The following JAML variants were observed in gnomAD, a reference collection of about 807,000 sequenced individuals.
JAML encodes junctional adhesion molecule-like.
In JAML, 25 loss-of-function variants were observed where a neutral mutation model predicts 39.3. That is an observed-to-expected ratio of 0.64 (90% confidence interval 0.46 to 0.89). The LOEUF is 0.89. JAML is among the 40% of genes least tolerant of loss of function. The pLI, the probability that JAML is intolerant of heterozygous loss-of-function variation, is 0.00. For missense variants in JAML, 440 were observed against 486.9 expected (o/e 0.90, Z 0.91); for synonymous variants, 162 against 179.2 (o/e 0.90, Z 0.77).
chr11:118,221,896 C>T (rs1949213567), intron 1 of JAML, among the ~76,000 whole-genome samples: 1 of 152,184 alleles, frequency 6.6e-6, no homozygotes, highest in Non-Finnish European at 1.5e-5. Flanking sequence ...TTTGGAGACA[C>T]CTTGTGTGTC....
At chr11:118,197,121 G>T in intron 8 of JAML, 1 of 308,454 alleles carries the variant, frequency 3.2e-6, no homozygotes, top group Non-Finnish European at 6.2e-6. Context: ...CTTGTATTCT[G>T]GGGTTATTTC....
At chr11:118,198,674 T>TAAAAAA (rs61119825) in intron 7 of JAML, among the ~76,000 whole-genome samples, 2,123 of 127,518 alleles carry the variant, frequency 0.017, 47 homozygotes, top group African/African-American at 0.056. Flanking sequence ...AAGTCAGAAC[T>TAAAAAA]AAAAAAAAAA....
intron 4 of JAML, among the ~76,000 whole-genome samples, chr11:118,207,325 G>T (rs1948938380): frequency 6.6e-6 from 1 of 152,140 alleles, no homozygotes; most frequent in African/African-American, 2.4e-5. Flanking sequence ...AGGTTTGTAT[G>T]ACTACTCTCC....
At chr11:118,200,697 A>C (rs952689053) in intron 6 of JAML, 85 bp from the exon 7 acceptor site, 40 of 1,523,712 alleles carry the variant, frequency 2.6e-5, no homozygotes, top group Admixed American at 2.5e-4. Context: ...AAGTAGCACC[A>C]GCCAGGCCAC....
intron 4 of JAML, chr11:118,209,052 G>T: frequency 4.1e-6 from 1 of 246,430 alleles, no homozygotes; most frequent in Non-Finnish European, 8.4e-6. Flanking sequence ...TCCAGCTTTT[G>T]GGCTAACTGG....
chr11:118,215,127 G>A lies in JAML; in HGVS notation c.-20-241C>T, dbSNP rs77884560. Among the ~76,000 whole-genome samples, 373 of 152,314 alleles carry A rather than the reference G, an allele frequency of 2.4e-3. 1 individual carries two copies. Among genetic ancestry groups the A allele is most frequent in the Non-Finnish European group, 3.8e-3 (260 of 68,014 alleles). ...AATACCAGATGTCAATAAGTGCTATGATGAAACAAAACAGAGTAGTGTTTG... is the reference window on the plus strand; with the variant it reads ...AATACCAGATGTCAATAAGTGCTATAATGAAACAAAACAGAGTAGTGTTTG... On this transcript the variant is annotated intron_variant, in intron 1 of 9. Coordinates refer to ENST00000356289, the MANE Select transcript of JAML (RefSeq NM_001098526.2).
At chr11:118,210,258 G>A (rs1169223664) in intron 4 of JAML, among the ~76,000 whole-genome samples, 1 of 152,170 alleles carries the variant, frequency 6.6e-6, no homozygotes, top group Non-Finnish European at 1.5e-5. Context: ...CAGGGCTTTT[G>A]TGAGGGGGAA....
intron 3 of JAML, among the ~76,000 whole-genome samples, chr11:118,212,148 G>C (rs1411180462): frequency 6.6e-6 from 1 of 152,174 alleles, no homozygotes; most frequent in East Asian, 1.9e-4. Context: ...CTACTTGAAA[G>C]GTAAGCATTA....
At chr11:118,197,719 T>A (rs1197592156) in intron 8 of JAML, 3 of 364,856 alleles carry the variant, frequency 8.2e-6, no homozygotes, top group African/African-American at 2.1e-5. Context: ...ATTTTGCTGA[T>A]GAGACTCAGG....
intron 1 of JAML, among the ~76,000 whole-genome samples, chr11:118,216,503 G>C (rs1337171399): frequency 6.6e-6 from 1 of 152,150 alleles, no homozygotes; most frequent in Non-Finnish European, 1.5e-5. Context: ...ACACAGAGAA[G>C]TCAGCTGATC....
At chr11:118,214,967 C>G in intron 1 of JAML, 81 bp from the exon 2 acceptor site, 2 of 1,270,718 alleles carry the variant, frequency 1.6e-6, no homozygotes, top group Non-Finnish European at 2.3e-6. Context: ...AAGGACTATA[C>G]GGAGCAGCCT....
chr11:118,194,332 G>T lies in JAML; in HGVS notation c.1178C>A (p.Ala393Asp), dbSNP rs767262200. The T allele has an allele frequency of 9.9e-6, 16 of 1,613,624 alleles. No individual in the cohort carries two copies. Among genetic ancestry groups the T allele is most frequent in the Non-Finnish European group, 1.1e-5 (13 of 1,179,604 alleles). ...SGGGMPKTQQAF is the reference protein window; with the variant it reads ...SGGGMPKTQQDF ...AGGGACTCTCCATTCTTCTCAAAAG[G>T]CTTGCTGTGTTTTTGGCATTCCCCC... The change falls in exon 10 of 10, where the codon GCC becomes GAC. Residue 393 changes from alanine (A) to aspartate (D), a missense_variant. Physicochemically the swap from Ala to Asp is moderately radical, Grantham distance 126. Transcript: ENST00000356289.
intron 3 of JAML, 119 bp from the exon 4 acceptor site, chr11:118,210,831 C>T: frequency 1.3e-6 from 1 of 784,650 alleles, no homozygotes; most frequent in Non-Finnish European, 2.1e-6. Context: ...GATCCAAAAG[C>T]ATTTGGTACC....
At position 118,203,547 on chromosome 11, in the gene JAML, G is replaced by A. The variant is rs1373180122; in HGVS notation, c.653C>T (p.Ser218Phe). Residue 218 changes from serine (S) to phenylalanine (F), a missense_variant, in exon 6 of 10, where the codon TCC (serine) becomes TTC (phenylalanine). Transcript: ENST00000356289. ...CTCCCTCACTCCTTGAAGCATGATG[G>A]AACCGTCATTGCGGAAAATGTCCCC... ...LVGDIFRNDG[S>F]IMLQGVRESD... The A allele has an allele frequency of 6.2e-7, 1 of 1,614,036 alleles. No individual in the cohort carries two copies. Among genetic ancestry groups the A allele is most frequent in the Non-Finnish European group, 8.5e-7 (1 of 1,180,034 alleles).
intron 5 of JAML, chr11:118,205,663 G>A: frequency 1.9e-6 from 1 of 538,730 alleles, no homozygotes; most frequent in Non-Finnish European, 3.3e-6. Flanking sequence ...TCTCATATCG[G>A]CATCCAAAAA....
intron 1 of JAML, among the ~76,000 whole-genome samples, chr11:118,218,968 T>G (rs920104551): frequency 6.6e-6 from 1 of 152,232 alleles, no homozygotes; most frequent in African/African-American, 2.4e-5. Flanking sequence ...TTATCTCATC[T>G]GTTGGCCAAA....
intron 6 of JAML, 29 bp from the exon 7 acceptor site, chr11:118,200,641 G>T (rs1322311364): frequency 3.7e-6 from 6 of 1,613,540 alleles, no homozygotes; most frequent in East Asian, 2.2e-5. Flanking sequence ...CAAGGAGAGG[G>T]TCTCAATACT....
intron 5 of JAML, 40 bp from the exon 6 acceptor site, chr11:118,203,705 G>A (rs1446464539): frequency 6.5e-7 from 1 of 1,537,922 alleles, no homozygotes; most frequent in East Asian, 2.2e-5. Flanking sequence ...TGTGAGGACT[G>A]GAGTGGAGCG....
At chr11:118,220,804 T>C (rs1178129077) in intron 1 of JAML, among the ~76,000 whole-genome samples, 1 of 152,136 alleles carries the variant, frequency 6.6e-6, no homozygotes, top group Non-Finnish European at 1.5e-5. Context: ...ATGGGATACA[T>C]GGGAAAAAGC....
Sources: allele counts gnomAD v4.1 joint callset (sites outside exome capture counted in the v4.1 genomes callset), GRCh38; gene constraint gnomAD v4.1.1; transcripts MANE v1.5; gene names NCBI Gene and HGNC (gene_info 2026-07-23, HGNC 2026-07-21).